SLC24A2: variants seen among roughly 807,000 people sequenced by gnomAD.
SLC24A2 encodes solute carrier family 24 member 2.
SLC24A2 carries 36 observed loss-of-function variants against 62.0 expected under a neutral mutation model. The observed-to-expected ratio is 0.58, with a 90% CI of 0.44 to 0.77. SLC24A2 has a LOEUF of 0.77. Ranked by LOEUF, SLC24A2 falls within the 30% of genes least tolerant of loss-of-function variation. The pLI, the probability that SLC24A2 is intolerant of heterozygous loss-of-function variation, is 0.00. For synonymous variants in SLC24A2, 358 were observed against 294.0 expected (o/e 1.22, Z -2.23); for missense variants, 846 against 817.9 (o/e 1.03, Z -0.42).
intron 2 of SLC24A2, among the ~76,000 whole-genome samples, chr9:19,658,473 A>T (rs1025251779): frequency 6.6e-6 from 1 of 152,232 alleles, no homozygotes; most frequent in African/African-American, 2.4e-5. Flanking sequence ...ACAATAGCTA[A>T]CATTTATTAT....
chr9:19,750,872 G>A lies in SLC24A2; in HGVS notation c.930+35065C>T, dbSNP rs139410138. Among the ~76,000 whole-genome samples the A allele has an allele frequency of 4.3e-4, 65 of 152,260 alleles. No individual in the cohort carries two copies. In the East Asian group the frequency reaches 8.9e-3, roughly 21 times the overall value. ...AGATGACTTTGCACAGACAGTTCCT[G>A]TACCTGGAATGTCCTCTGCCTACTC... is the stretch of plus-strand genomic sequence containing the variant. On this transcript the variant is annotated intron_variant, in intron 2 of 10. Coordinates refer to ENST00000341998, the MANE Select transcript of SLC24A2 (RefSeq NM_020344.4).
chr9:19,731,892 C>T (rs1485063015), intron 2 of SLC24A2, among the ~76,000 whole-genome samples: 1 of 152,116 alleles, frequency 6.6e-6, no homozygotes, highest in Non-Finnish European at 1.5e-5. Context: ...GGCAGCGTAA[C>T]CTATACATTG....
the SLC24A2 span, among the ~76,000 whole-genome samples, chr9:20,105,543 C>A: frequency 2.0e-5 from 3 of 151,996 alleles, no homozygotes; most frequent in East Asian, 1.9e-4. Context: ...GATTAAGAAT[C>A]TCACTCAAAA....
At chr9:19,581,189 G>C (rs1326909645) in intron 5 of SLC24A2, among the ~76,000 whole-genome samples, 2 of 152,156 alleles carry the variant, frequency 1.3e-5, no homozygotes, top group Non-Finnish European at 2.9e-5. Flanking sequence ...TGTTGGACTG[G>C]TGTTCAAGTT....
chr9:20,299,092 C>A, the SLC24A2 span, among the ~76,000 whole-genome samples: 1 of 152,138 alleles, frequency 6.6e-6, no homozygotes, highest in Non-Finnish European at 1.5e-5. Context: ...GATAAATAAG[C>A]AAGAATGGCT....
At chr9:20,016,172 C>G in the SLC24A2 span, among the ~76,000 whole-genome samples, 4 of 152,260 alleles carry the variant, frequency 2.6e-5, no homozygotes, top group Admixed American at 2.6e-4. Context: ...ACTTCCCCTT[C>G]CAAAGAAACA....
the SLC24A2 span, among the ~76,000 whole-genome samples, chr9:20,163,329 T>C: frequency 7.3e-5 from 11 of 151,582 alleles, no homozygotes; most frequent in East Asian, 1.2e-3. Flanking sequence ...CATTCTTATA[T>C]ACCAATAACA....
At chr9:20,240,619 C>A in the SLC24A2 span, among the ~76,000 whole-genome samples, 1 of 152,142 alleles carries the variant, frequency 6.6e-6, no homozygotes, top group South Asian at 2.1e-4. Context: ...CTAAGATTGG[C>A]ACTCAGGTTC....
At chr9:19,724,759 G>C (rs892012599) in intron 2 of SLC24A2, among the ~76,000 whole-genome samples, 1 of 152,106 alleles carries the variant, frequency 6.6e-6, no homozygotes, top group African/African-American at 2.4e-5. Context: ...AATATTTAAA[G>C]TCTTTCAATT....
chr9:20,290,349 C>G, the SLC24A2 span, among the ~76,000 whole-genome samples: 17 of 152,348 alleles, frequency 1.1e-4, no homozygotes, highest in East Asian at 3.3e-3. Flanking sequence ...GAGCCCACAG[C>G]TGTTCTGATT....
chr9:19,742,444 A>G (rs1821708117), intron 2 of SLC24A2, among the ~76,000 whole-genome samples: 1 of 152,226 alleles, frequency 6.6e-6, no homozygotes, highest in Admixed American at 6.5e-5. Context: ...TACAGAAATT[A>G]TCTTCTTAAA....
the SLC24A2 span, among the ~76,000 whole-genome samples, chr9:19,910,344 A>T: frequency 6.6e-6 from 1 of 152,116 alleles, no homozygotes; most frequent in Admixed American, 6.5e-5. Context: ...CTCTACTGCC[A>T]TGTTTCTATA....
the SLC24A2 span, among the ~76,000 whole-genome samples, chr9:20,184,335 G>A: frequency 6.6e-6 from 1 of 152,154 alleles, no homozygotes; most frequent in African/African-American, 2.4e-5. Flanking sequence ...CAGACCACGA[G>A]ATCAAGAGAA....
At chr9:20,121,121 T>G in the SLC24A2 span, among the ~76,000 whole-genome samples, 2 of 148,280 alleles carry the variant, frequency 1.3e-5, no homozygotes, top group Non-Finnish European at 3.0e-5. Flanking sequence ...TACTAGATCC[T>G]TTGTATTTAG....
the SLC24A2 span, among the ~76,000 whole-genome samples, chr9:19,803,560 T>C: frequency 6.6e-6 from 1 of 152,208 alleles, no homozygotes. Flanking sequence ...AATGGGGCAC[T>C]ATTTAAGTAA....
the SLC24A2 span, among the ~76,000 whole-genome samples, chr9:19,923,888 C>G: frequency 1.7e-4 from 26 of 152,290 alleles, no homozygotes; most frequent in African/African-American, 4.8e-4. Context: ...GCTGGGATTA[C>G]AGGTGTGCAC....
the SLC24A2 span, among the ~76,000 whole-genome samples, chr9:20,231,108 C>A: frequency 3.3e-5 from 5 of 152,122 alleles, no homozygotes; most frequent in African/African-American, 1.2e-4. Flanking sequence ...TGTTTTGGTA[C>A]CAGTACCATG....
chr9:20,168,287 T>A, the SLC24A2 span, among the ~76,000 whole-genome samples: 4 of 151,990 alleles, frequency 2.6e-5, no homozygotes, highest in African/African-American at 9.7e-5. Context: ...TCAGCTGTTC[T>A]CTAAGCTTAA....
intron 5 of SLC24A2, among the ~76,000 whole-genome samples, chr9:19,583,936 C>A (rs540607829): frequency 1.8e-4 from 28 of 152,242 alleles, no homozygotes; most frequent in Middle Eastern, 3.4e-3. Context: ...TTCATCAAGG[C>A]CTAACTCAAT....
Sources: allele counts gnomAD v4.1 joint callset (sites outside exome capture counted in the v4.1 genomes callset), GRCh38; gene constraint gnomAD v4.1.1; transcripts MANE v1.5; gene names NCBI Gene and HGNC (gene_info 2026-07-23, HGNC 2026-07-21).